Variants in ATP8B4 observed in about 807,000 individuals in gnomAD.
ATP8B4 encodes the protein probable phospholipid-transporting ATPase IM.
In ATP8B4, 133 loss-of-function variants were observed where a neutral mutation model predicts 145.6. That is an observed-to-expected ratio of 0.91 (90% CI 0.79 to 1.05). The LOEUF is 1.05. ATP8B4 is among the 50% of genes least tolerant of loss of function. The pLI, the probability that ATP8B4 is intolerant of heterozygous loss-of-function variation, is 0.00. For missense variants in ATP8B4, 1,458 were observed against 1,425.2 expected, an observed-to-expected ratio of 1.02 and a Z score of -0.37; for synonymous variants, 507 against 492.9, an observed-to-expected ratio of 1.03 and a Z score of -0.38.
In ATP8B4 at chr15:49,920,334, T is replaced by C. The variant is rs551895250; in HGVS notation, c.1835A>G (p.His612Arg). The change falls in exon 18 of 28, where the codon CAT (histidine) becomes CGT (arginine). Residue 612 changes from histidine (H) to arginine (R), a missense_variant. His to Arg is a conservative substitution (Grantham distance 29, BLOSUM62 0). Coordinates refer to ENST00000284509, the MANE Select transcript of ATP8B4 (RefSeq NM_024837.4). ...AGCATTCGCATCTTCAAGCATCTTATGCCACTCTTTAAAGTACTTGTCATC... is the reference window on the plus strand; with the variant it reads ...AGCATTCGCATCTTCAAGCATCTTACGCCACTCTTTAAAGTACTTGTCATC... ...DLDDKYFKEW[H>R]KMLEDANAAT... The C allele has an allele frequency of 3.7e-6, 6 of 1,614,248 alleles. No homozygotes were observed. In the African/African-American group the frequency reaches 8.0e-5, roughly 22 times the overall value.
intron 3 of ATP8B4, among the ~76,000 whole-genome samples, chr15:50,048,855 T>A (rs996831662): frequency 2.6e-5 from 4 of 151,928 alleles, no homozygotes; most frequent in Non-Finnish European, 5.9e-5. Context: ...CTTTCTGGGG[T>A]GGCAGCAATG....
intron 3 of ATP8B4, among the ~76,000 whole-genome samples, chr15:50,068,989 C>T (rs1458698650): frequency 1.3e-5 from 2 of 152,222 alleles, no homozygotes; most frequent in African/African-American, 2.4e-5. Flanking sequence ...ATGAGTCTGG[C>T]TGTTTGGCTC....
chr15:50,163,370 C>T (rs904346906), intron 1 of ATP8B4, among the ~76,000 whole-genome samples: 7 of 152,262 alleles, frequency 4.6e-5, no homozygotes, highest in Admixed American at 4.6e-4. Flanking sequence ...AACGTTGTGA[C>T]TCTTGCAGAC....
chr15:50,007,815 A>C (rs1260108765), intron 7 of ATP8B4, among the ~76,000 whole-genome samples: 1 of 152,094 alleles, frequency 6.6e-6, no homozygotes, highest in African/African-American at 2.4e-5. Flanking sequence ...CAAAAAAAAA[A>C]TTGTCTTGCC....
chr15:49,870,181 A>G (rs1163805984), intron 25 of ATP8B4, among the ~76,000 whole-genome samples: 1 of 152,228 alleles, frequency 6.6e-6, no homozygotes, highest in African/African-American at 2.4e-5. Context: ...AACAATTAAG[A>G]TAGATCTGAA....
At chr15:50,027,431 T>C (rs572717833) in intron 6 of ATP8B4, among the ~76,000 whole-genome samples, 7 of 104,138 alleles carry the variant, frequency 6.7e-5, no homozygotes, top group African/African-American at 3.2e-4. Context: ...TCCCTGCTGC[T>C]ACTCTCAATG....
intron 9 of ATP8B4, among the ~76,000 whole-genome samples, chr15:49,995,539 C>T (rs866393587): frequency 6.6e-6 from 1 of 152,048 alleles, no homozygotes; most frequent in African/African-American, 2.4e-5. Context: ...GTTATAAAAG[C>T]ACTCATTTAA....
At chr15:49,911,974 C>T (rs2039277476) in intron 20 of ATP8B4, among the ~76,000 whole-genome samples, 1 of 151,996 alleles carries the variant, frequency 6.6e-6, no homozygotes, top group African/African-American at 2.4e-5. Flanking sequence ...GAAAAGATTT[C>T]CTCAAACATA....
chr15:50,128,943 C>T (rs2057325589), intron 1 of ATP8B4, among the ~76,000 whole-genome samples: 1 of 152,176 alleles, frequency 6.6e-6, no homozygotes, highest in Non-Finnish European at 1.5e-5. Context: ...TGGTGCGCAC[C>T]TGTAATCTCA....
chr15:49,957,629 T>C (rs2043692217), intron 14 of ATP8B4, among the ~76,000 whole-genome samples: 1 of 152,012 alleles, frequency 6.6e-6, no homozygotes, highest in Non-Finnish European at 1.5e-5. Flanking sequence ...TCAAGAATAA[T>C]GATCTTAATA....
intron 23 of ATP8B4, chr15:49,883,249 T>G (rs1242637460): frequency 2.0e-5 from 3 of 152,034 alleles, no homozygotes; most frequent in South Asian, 2.1e-4. Context: ...TCTGAGAAAT[T>G]ATGGCGTACT....
intron 9 of ATP8B4, among the ~76,000 whole-genome samples, chr15:49,996,358 C>A (rs925789137): frequency 1.1e-4 from 16 of 151,946 alleles, no homozygotes; most frequent in Non-Finnish European, 2.1e-4. Flanking sequence ...ACAAGGGTGG[C>A]CAATATTTCT....
At chr15:50,126,557 T>C (rs1431167991) in intron 1 of ATP8B4, among the ~76,000 whole-genome samples, 1 of 152,210 alleles carries the variant, frequency 6.6e-6, no homozygotes, top group Non-Finnish European at 1.5e-5. Context: ...CTTTAGCTTC[T>C]GTAGAGAACC....
At chr15:50,001,506 G>T (rs547880869) in intron 8 of ATP8B4, among the ~76,000 whole-genome samples, 1 of 152,228 alleles carries the variant, frequency 6.6e-6, no homozygotes, top group East Asian at 1.9e-4. Context: ...GGCTCTCTAA[G>T]CCTTGATTTC....
chr15:49,986,273 A>C (rs1396798312), intron 10 of ATP8B4, among the ~76,000 whole-genome samples: 1 of 152,214 alleles, frequency 6.6e-6, no homozygotes, highest in Non-Finnish European at 1.5e-5. Context: ...CTATGATGAC[A>C]GGAAGCAAAT....
chr15:49,973,015 G>C (rs1599541749), intron 12 of ATP8B4, among the ~76,000 whole-genome samples: 1 of 152,128 alleles, frequency 6.6e-6, no homozygotes, highest in South Asian at 2.1e-4. Flanking sequence ...AGTCAGCTTA[G>C]AATAAAGCTT....
intron 9 of ATP8B4, among the ~76,000 whole-genome samples, 157 bp downstream of exon 9, chr15:49,996,518 ACT>A (rs1335657310): frequency 5.3e-5 from 8 of 152,070 alleles, no homozygotes; most frequent in African/African-American, 1.9e-4. Flanking sequence ...AAACATTTTT[ACT>A]CTTTTTAGCG....
chr15:50,009,603 T>G (rs1416685091), intron 7 of ATP8B4: 1 of 439,518 alleles, frequency 2.3e-6, no homozygotes, highest in Non-Finnish European at 4.5e-6. Context: ...ACACTGGAGC[T>G]ACCTTGATTC....
intron 7 of ATP8B4, among the ~76,000 whole-genome samples, chr15:50,006,267 C>T (rs1420605124): frequency 2.1e-5 from 3 of 144,220 alleles, no homozygotes; most frequent in Non-Finnish European, 3.0e-5. Context: ...TATTAACAGG[C>T]AGGCTGTTCC....
Sources: allele counts gnomAD v4.1 joint callset (sites outside exome capture counted in the v4.1 genomes callset), GRCh38; gene constraint gnomAD v4.1.1; transcripts MANE v1.5; gene names NCBI Gene and HGNC (gene_info 2026-07-23, HGNC 2026-07-21).